Variants in GON4L observed in about 807,000 individuals in gnomAD.
The protein encoded by GON4L is GON-4-like protein.
GON4L carries 87 observed loss-of-function variants against 211.8 expected under a neutral mutation model. The ratio of observed to expected loss-of-function variants is 0.41; its 90% CI spans 0.35 to 0.49. GON4L has a LOEUF of 0.49. Ranked by LOEUF, GON4L falls within the 20% of genes least tolerant of loss-of-function variation. The pLI is 0.15. For missense variants in GON4L, 2,155 were observed against 2,659.5 expected, an observed-to-expected ratio of 0.81 and a Z score of 4.17; for synonymous variants, 875 against 962.6, an observed-to-expected ratio of 0.91 and a Z score of 1.68.
At chr1:155,760,419 G>A (rs1285793897) in intron 24 of GON4L, 25 bp downstream of exon 24, 1 of 1,455,152 alleles carries the variant, frequency 6.9e-7, no homozygotes, top group Non-Finnish European at 9.6e-7. Context: ...GAGTCCCAGT[G>A]TACTTTTTTT....
intron 10 of GON4L, among the ~76,000 whole-genome samples, chr1:155,812,698 G>A (rs906790543): frequency 6.6e-6 from 1 of 151,970 alleles, no homozygotes; most frequent in Non-Finnish European, 1.5e-5. Flanking sequence ...TGGGATTACA[G>A]GCATGCGCCA....
chr1:155,780,595 A>T (rs1664323109), intron 14 of GON4L, among the ~76,000 whole-genome samples: 1 of 151,898 alleles, frequency 6.6e-6, no homozygotes, highest in Non-Finnish European at 1.5e-5. Context: ...TCCATTTCAA[A>T]AAAATAAAAT....
rs869034483 is a variant in GON4L at position 155,784,358 on chromosome 1, CTTTTTTTTTTTTTTTTTTTT to C, written c.1789-289_1789-270del. 440 of 104,086 alleles carry C rather than the reference CTTTTTTTTTTTTTTTTTTTT, an allele frequency of 4.2e-3. 2 individuals are homozygous for C. The East Asian group carries it at 0.05, about 12-fold the overall frequency. 6.4% of individuals were successfully genotyped at this position (104,086 alleles called of 1,614,324 possible). On this transcript the variant is annotated intron_variant, in intron 13 of 31. Coordinates refer to ENST00000368331, the MANE Select transcript of GON4L (RefSeq NM_001282860.2). ...ACTCAAAATTATCAATCTCTCTCTCCTTTTTTTTTTTTTTTTTTTTTTTTTTTTTTTTTTTTTGAGACAGA... is the reference window on the plus strand; with the variant it reads ...ACTCAAAATTATCAATCTCTCTCTCCTTTTTTTTTTTTTTTTTGAGACAGA...
chr1:155,783,577 C>T (rs1664634523), intron 14 of GON4L, among the ~76,000 whole-genome samples: 1 of 152,200 alleles, frequency 6.6e-6, no homozygotes, highest in Non-Finnish European at 1.5e-5. Context: ...TCAGGGTTTG[C>T]TCCACTAATG....
intron 11 of GON4L, among the ~76,000 whole-genome samples, chr1:155,801,760 G>A (rs1269211899): frequency 6.6e-6 from 1 of 151,998 alleles, no homozygotes; most frequent in Non-Finnish European, 1.5e-5. Flanking sequence ...GCAGGCGCAT[G>A]TAATCCCAAC....
chr1:155,802,823 G>A (rs1372610977), intron 11 of GON4L, among the ~76,000 whole-genome samples: 1 of 152,136 alleles, frequency 6.6e-6, no homozygotes, highest in East Asian at 1.9e-4. Flanking sequence ...GGGCATGATG[G>A]CACAAACCTG....
downstream of GON4L, chr1:155,748,038 C>T (rs1329104310): frequency 1.2e-6 from 2 of 1,607,662 alleles, no homozygotes; most frequent in South Asian, 2.2e-5. Context: ...CACCTGACTG[C>T]TCACAGCTCT....
chr1:155,814,551 G>A, intron 8 of GON4L, 102 bp from the exon 9 acceptor site: 4 of 1,245,506 alleles, frequency 3.2e-6, no homozygotes, highest in Middle Eastern at 1.9e-4. Context: ...CAATCACTCA[G>A]CCTGGCCAAC....
chr1:155,800,766 C>T (rs985277048), intron 11 of GON4L, among the ~76,000 whole-genome samples: 5 of 148,652 alleles, frequency 3.4e-5, no homozygotes, highest in African/African-American at 1.2e-4. Context: ...GCAGAAGAGT[C>T]GCTTGAACCC....
At chr1:155,777,859 C>T (rs535928881) in intron 14 of GON4L, 39 bp from the exon 15 acceptor site, 18 of 1,257,898 alleles carry the variant, frequency 1.4e-5, no homozygotes, top group East Asian at 1.4e-4. Context: ...TGAGTGTTTC[C>T]GTAGGTCCAC....
At chr1:155,745,457 A>G (rs1408830956), downstream of GON4L, among the ~76,000 whole-genome samples, 2 of 152,240 alleles carry the variant, frequency 1.3e-5, no homozygotes, top group East Asian at 3.9e-4. Context: ...CCGGGGAGCT[A>G]TCAGCCAGCG....
rs374159291 is a variant in GON4L, at chr1:155,789,143, T to C, written c.1748-3769A>G. On this transcript the variant is annotated intron_variant, in intron 12 of 31. Coordinates refer to ENST00000368331, the MANE Select transcript of GON4L (RefSeq NM_001282860.2). ...TGCCTCTGAAGGGATGGTGTGGGGA[T>C]TGACTTGGAAGGGGCATGAGGAAAC... Among the ~76,000 whole-genome samples the C allele has an allele frequency of 1.4e-3, 204 of 150,972 alleles. 2 individuals are homozygous for C. The highest frequency in any genetic ancestry group is 4.1e-3 in the African/African-American group (168 of 41,138).
Position 155,765,599 on chromosome 1 carries a change from C to A in GON4L, c.3874G>T (p.Val1292Phe). The A allele has an allele frequency of 1.2e-6, 2 of 1,614,162 alleles. No homozygotes were observed. The highest frequency in any genetic ancestry group is 8.5e-7 in the Non-Finnish European group (1 of 1,180,030). Residue 1292 changes from valine to phenylalanine, a missense_variant, in exon 21 of 32, where the codon GTT becomes TTT. Transcript: ENST00000368331. The part of the protein sequence containing the change: ...LSENSACRWT[V>F]VKTEEGRQAL... ...TGCCTCCCCTCCTCTGTTTTCACAA[C>A]GGTCCAGCGACAGGCACTATTCTCT...
In GON4L at chr1:155,823,175, C is replaced by T. The variant is rs1274463069; in HGVS notation, c.698-699G>A. On this transcript the variant is annotated intron_variant, in intron 3 of 31. Coordinates refer to ENST00000368331, the MANE Select transcript of GON4L (RefSeq NM_001282860.2). Reference sequence around the variant, plus strand: ...AACTCCTGACCTCAGGTGATCCACTCGCCTCAGCCTCCCAAAGCTCTGGGA... The same window carrying T: ...AACTCCTGACCTCAGGTGATCCACTTGCCTCAGCCTCCCAAAGCTCTGGGA... 6.6e-5 allele frequency among the ~76,000 whole-genome samples: 10 copies of T among 151,948 alleles called. No individual in the cohort carries two copies. The East Asian group carries it at 1.5e-3, about 24-fold the overall frequency.
chr1:155,846,466 G>A (rs965358780), intron 2 of GON4L: 1 of 148,442 alleles, frequency 6.7e-6, no homozygotes, highest in African/African-American at 2.5e-5. Context: ...GAGCTTGCAG[G>A]GAGCCGAGAT....
chr1:155,798,600 T>TTTG (rs1553207306), intron 11 of GON4L, among the ~76,000 whole-genome samples: 1 of 147,854 alleles, frequency 6.8e-6, no homozygotes, highest in Non-Finnish European at 1.5e-5. Flanking sequence ...TTTTTTTTTT[T>TTTG]AGTAGAGACG....
chr1:155,807,726 G>A (rs368002081), intron 10 of GON4L, among the ~76,000 whole-genome samples: 9,542 of 71,248 alleles, frequency 0.13, 346 homozygotes, highest in African/African-American at 0.17. Flanking sequence ...AAAAAAAAAA[G>A]AAAATCAGAA....
chr1:155,820,129 G>T (rs1668606611), intron 6 of GON4L, among the ~76,000 whole-genome samples: 1 of 152,070 alleles, frequency 6.6e-6, no homozygotes, highest in Non-Finnish European at 1.5e-5. Flanking sequence ...GGCCAGGCTG[G>T]TCTCGAACTC....
At chr1:155,758,336 T>G (rs1411944073) in intron 24 of GON4L, among the ~76,000 whole-genome samples, 1 of 152,218 alleles carries the variant, frequency 6.6e-6, no homozygotes, top group Non-Finnish European at 1.5e-5. Context: ...TATGATACTT[T>G]AGAGTTTATA....
Sources: allele counts gnomAD v4.1 joint callset (sites outside exome capture counted in the v4.1 genomes callset), GRCh38; gene constraint gnomAD v4.1.1; transcripts MANE v1.5; gene names NCBI Gene and HGNC (gene_info 2026-07-23, HGNC 2026-07-21).